Variants in ACTR3C observed in about 807,000 individuals in gnomAD.
The protein encoded by ACTR3C is actin related protein 3C, also known as actin-related protein 3C.
In ACTR3C, 18 loss-of-function variants were observed where a neutral mutation model predicts 26.3. That is an observed-to-expected ratio of 0.68 (90% confidence interval 0.47 to 1.01). The LOEUF is 1.01. ACTR3C is among the 50% of genes least tolerant of loss of function. ACTR3C has a pLI of 0.00. For missense variants in ACTR3C, 184 were observed against 250.7 expected, an observed-to-expected ratio of 0.73 and a Z score of 1.80; for synonymous variants, 55 against 94.5, an observed-to-expected ratio of 0.58 and a Z score of 2.42.
At chr7:149,978,220 T>C in the ACTR3C span, among the ~76,000 whole-genome samples, 46 of 152,356 alleles carry the variant, frequency 3.0e-4, no homozygotes, top group African/African-American at 1.1e-3. Flanking sequence ...GGTCTTGGCT[T>C]CCTGGCTGCC....
the ACTR3C span, among the ~76,000 whole-genome samples, chr7:149,974,375 T>C: frequency 6.6e-6 from 1 of 151,370 alleles, no homozygotes; most frequent in Non-Finnish European, 1.5e-5. Flanking sequence ...TTATTTTATA[T>C]AATAGATGGG....
At chr7:150,241,945 C>T (rs1248984337), downstream of ACTR3C, among the ~76,000 whole-genome samples, 3 of 152,212 alleles carry the variant, frequency 2.0e-5, no homozygotes, top group East Asian at 1.9e-4. Flanking sequence ...TGGCCAGGCG[C>T]GGTGGCTCAC....
At chr7:150,293,762 C>T (rs1836490483) in intron 2 of ACTR3C, among the ~76,000 whole-genome samples, 1 of 152,066 alleles carries the variant, frequency 6.6e-6, no homozygotes, top group South Asian at 2.1e-4. Flanking sequence ...ATGGTGAAAC[C>T]CCATCTCTAC....
chr7:149,933,828 C>T, the ACTR3C span, among the ~76,000 whole-genome samples: 1 of 151,990 alleles, frequency 6.6e-6, no homozygotes, highest in Non-Finnish European at 1.5e-5. Flanking sequence ...TGTCAAGTTC[C>T]ATACAACACT....
chr7:150,168,390 A>G, the ACTR3C span, among the ~76,000 whole-genome samples: 1 of 150,820 alleles, frequency 6.6e-6, no homozygotes, highest in African/African-American at 2.5e-5. Context: ...GATCCTTATG[A>G]GAATCTAATA....
the ACTR3C span, among the ~76,000 whole-genome samples, chr7:150,091,793 T>G: frequency 6.7e-6 from 1 of 148,156 alleles, no homozygotes; most frequent in South Asian, 2.1e-4. Flanking sequence ...CCATCCTGGC[T>G]AACACGGTGA....
chr7:150,023,242 T>G, the ACTR3C span, among the ~76,000 whole-genome samples: 1 of 122,764 alleles, frequency 8.1e-6, no homozygotes, highest in East Asian at 2.3e-4. Context: ...TATATCTCTC[T>G]ATCTCTATAT....
chr7:149,897,258 A>T, the ACTR3C span, among the ~76,000 whole-genome samples: 3 of 152,148 alleles, frequency 2.0e-5, no homozygotes, highest in African/African-American at 7.2e-5. Flanking sequence ...TACTGGGTAT[A>T]TTGGTTTTTC....
the ACTR3C span, among the ~76,000 whole-genome samples, chr7:150,018,912 G>GAT: frequency 2.7e-5 from 4 of 147,992 alleles, no homozygotes; most frequent in East Asian, 5.8e-4. Flanking sequence ...GCCTTAAAAT[G>GAT]GTGTGTGTGT....
At chr7:150,048,456 G>A in the ACTR3C span, among the ~76,000 whole-genome samples, 1 of 152,136 alleles carries the variant, frequency 6.6e-6, no homozygotes, top group African/African-American at 2.4e-5. Flanking sequence ...AGGGTGGAGG[G>A]GCGGGGACCA....
At chr7:150,065,763 G>A in the ACTR3C span, among the ~76,000 whole-genome samples, 2 of 150,650 alleles carry the variant, frequency 1.3e-5, no homozygotes, top group African/African-American at 4.9e-5. Context: ...TTCCATCTGG[G>A]TTGAATAGAT....
downstream of ACTR3C, chr7:150,244,694 A>G (rs557035389): frequency 0.089 from 14,484 of 162,546 alleles, 2,290 homozygotes; most frequent in African/African-American, 0.33. Context: ...GAGAGAGAGG[A>G]CGGCCTGAGA....
At chr7:149,888,202 A>G in the ACTR3C span, among the ~76,000 whole-genome samples, 45,469 of 130,850 alleles carry the variant, frequency 0.35, 6,891 homozygotes, top group Admixed American at 0.39. Flanking sequence ...AGTGACATAC[A>G]CTTTCTTTGT....
the ACTR3C span, among the ~76,000 whole-genome samples, chr7:150,191,144 A>G: frequency 3.3e-5 from 5 of 152,240 alleles, no homozygotes; most frequent in African/African-American, 1.2e-4. Context: ...ACATCTTGAA[A>G]TCAAGTATGA....
chr7:150,121,264 C>T, the ACTR3C span, among the ~76,000 whole-genome samples: 1 of 152,202 alleles, frequency 6.6e-6, no homozygotes, highest in Non-Finnish European at 1.5e-5. Flanking sequence ...AAAGCATATT[C>T]AATTAGGAAG....
chr7:149,891,121 T>C, the ACTR3C span: 3 of 540,678 alleles, frequency 5.5e-6, no homozygotes, highest in South Asian at 6.3e-5. Flanking sequence ...TAGAAAAGAA[T>C]ATCTTCAGTT....
At chr7:150,109,413 T>G in the ACTR3C span, among the ~76,000 whole-genome samples, 1 of 151,996 alleles carries the variant, frequency 6.6e-6, no homozygotes, top group Non-Finnish European at 1.5e-5. Context: ...TATAAGTATT[T>G]TTTTTTAAAT....
intron 1 of ACTR3C, among the ~76,000 whole-genome samples, chr7:150,313,590 G>T (rs141647678): frequency 6.6e-6 from 1 of 152,290 alleles, no homozygotes; most frequent in Non-Finnish European, 1.5e-5. Flanking sequence ...GAAGGGAGGG[G>T]GGTACAGTGA....
the ACTR3C span, among the ~76,000 whole-genome samples, chr7:149,905,909 G>T: frequency 6.6e-6 from 1 of 152,020 alleles, no homozygotes; most frequent in Non-Finnish European, 1.5e-5. Context: ...GGATGAAGGG[G>T]TGTACGCTCT....
Sources: gnomAD v4.1 joint callset for allele counts (sites outside exome capture counted in the v4.1 genomes callset) on GRCh38, gnomAD v4.1.1 for gene constraint, MANE v1.5 for transcripts, NCBI Gene and HGNC (gene_info 2026-07-23, HGNC 2026-07-21) for gene names.